The following RBPJ variants were observed in gnomAD, a reference collection of about 807,000 sequenced individuals.
RBPJ encodes the protein recombination signal binding protein for immunoglobulin kappa J region.
Under a neutral mutation model 67.8 loss-of-function variants are expected in RBPJ, and 9 were observed. The ratio of observed to expected loss-of-function variants is 0.13; its 90% confidence interval spans 0.08 to 0.23. RBPJ has a LOEUF of 0.23. Ranked by LOEUF, RBPJ falls within the 10% of genes least tolerant of loss-of-function variation. The probability of loss-of-function intolerance (pLI) is 1.00; values close to 1 mark genes in which losing one functional copy is unlikely to be tolerated. For synonymous variants in RBPJ, 198 were observed against 203.3 expected, an observed-to-expected ratio of 0.97 and a Z score of 0.22; for missense variants, 305 against 595.6, an observed-to-expected ratio of 0.51 and a Z score of 5.08.
chr4:26,173,720 G>A (rs999330120), intron 1 of RBPJ, among the ~76,000 whole-genome samples: 1 of 152,178 alleles, frequency 6.6e-6, no homozygotes, highest in Non-Finnish European at 1.5e-5. Flanking sequence ...TTGGGGAAAT[G>A]CGTGCTGAGT....
At chr4:26,351,397 T>C (rs1428358249) in intron 1 of RBPJ, among the ~76,000 whole-genome samples, 1 of 152,166 alleles carries the variant, frequency 6.6e-6, no homozygotes, top group Non-Finnish European at 1.5e-5. Context: ...GAATGCTTTG[T>C]TTATTTTTTG....
chr4:26,163,597 C>T (rs1716144779), exon 1 of RBPJ: 1 of 152,166 alleles, frequency 6.6e-6, no homozygotes, highest in African/African-American at 2.4e-5. Context: ...TTGGACTGCT[C>T]TATCCAGCAT....
chr4:26,323,785 A>G (rs1723336790), intron 1 of RBPJ, among the ~76,000 whole-genome samples: 1 of 152,234 alleles, frequency 6.6e-6, no homozygotes, highest in African/African-American at 2.4e-5. Flanking sequence ...GATGTAATTC[A>G]TTAAATAACC....
At chr4:26,370,292 G>T (rs1196386927) in intron 1 of RBPJ, among the ~76,000 whole-genome samples, 2 of 152,026 alleles carry the variant, frequency 1.3e-5, no homozygotes, top group African/African-American at 2.4e-5. Flanking sequence ...TAGAATTAAG[G>T]TTTTCTTTTC....
At chr4:26,254,763 T>A (rs2109241057) in intron 1 of RBPJ, among the ~76,000 whole-genome samples, 1 of 143,604 alleles carries the variant, frequency 7.0e-6, no homozygotes, top group South Asian at 2.2e-4. Context: ...CTGCAGCCTC[T>A]GCCTCCTGAG....
chr4:26,362,024 G>A lies in RBPJ; in HGVS notation c.21-24329G>A, dbSNP rs111935642. The stretch of plus-strand genomic sequence containing the variant: ...GAATTAACCGGATTCATTAATAACG[G>A]CATCAGGAAGAGCATTGTTTGAAGG... On this transcript the variant is annotated intron_variant, in intron 1 of 10. Coordinates refer to ENST00000355476, the MANE Select transcript of RBPJ (RefSeq NM_015874.6). Among the ~76,000 whole-genome samples, 12 of 152,256 alleles carry A rather than the reference G, an allele frequency of 7.9e-5. 1 individual carries two copies. The highest frequency in any genetic ancestry group is 2.6e-4 in the African/African-American group (11 of 41,540).
chr4:26,168,865 G>C (rs1221166530), intron 1 of RBPJ, among the ~76,000 whole-genome samples: 1 of 151,808 alleles, frequency 6.6e-6, no homozygotes, highest in South Asian at 2.1e-4. Flanking sequence ...GATCACATCG[G>C]CTCCTGAGGC....
chr4:26,174,051 G>A (rs182510719), intron 1 of RBPJ, among the ~76,000 whole-genome samples: 2 of 152,324 alleles, frequency 1.3e-5, no homozygotes, highest in East Asian at 1.9e-4. Flanking sequence ...CAGGAAGGAC[G>A]CACTTACCAT....
chr4:26,257,982 C>A (rs1045811387), intron 1 of RBPJ, among the ~76,000 whole-genome samples: 2 of 152,204 alleles, frequency 1.3e-5, no homozygotes, highest in African/African-American at 4.8e-5. Flanking sequence ...GGTATGAGAA[C>A]ATAATCTGTA....
chr4:26,410,550 A>C (rs1733917041), intron 3 of RBPJ, among the ~76,000 whole-genome samples: 1 of 152,244 alleles, frequency 6.6e-6, no homozygotes, highest in South Asian at 2.1e-4. Context: ...AACAATGAAC[A>C]GTAAAGTCAT....
chr4:26,113,251 G>C, the RBPJ span: 1 of 329,692 alleles, frequency 3.0e-6, no homozygotes, highest in South Asian at 3.7e-5. Context: ...AATGAAAATG[G>C]GAATAATTTC....
chr4:26,246,064 T>C (rs946592998), intron 1 of RBPJ, among the ~76,000 whole-genome samples: 1 of 152,232 alleles, frequency 6.6e-6, no homozygotes, highest in Non-Finnish European at 1.5e-5. Flanking sequence ...CATTCCCACA[T>C]GAACTTTAGG....
chr4:26,308,137 G>A (rs1338774934), intron 1 of RBPJ, among the ~76,000 whole-genome samples: 4 of 152,152 alleles, frequency 2.6e-5, no homozygotes, highest in African/African-American at 7.2e-5. Context: ...TTAGCCGGGC[G>A]TGGTGGCGGG....
the RBPJ span, among the ~76,000 whole-genome samples, chr4:26,105,944 G>A: frequency 6.6e-6 from 1 of 152,208 alleles, no homozygotes; most frequent in African/African-American, 2.4e-5. Flanking sequence ...CATGGAGTGC[G>A]ATTTATCTAC....
chr4:26,146,202 C>T, the RBPJ span, among the ~76,000 whole-genome samples: 2 of 152,188 alleles, frequency 1.3e-5, no homozygotes, highest in Admixed American at 6.5e-5. Flanking sequence ...CCACTTCGGC[C>T]TCCCAAAGTG....
At chr4:26,254,910 G>C (rs1160043360) in intron 1 of RBPJ, among the ~76,000 whole-genome samples, 1 of 118,266 alleles carries the variant, frequency 8.5e-6, no homozygotes, top group Non-Finnish European at 1.6e-5. Context: ...CTGGTGTCGA[G>C]ACCAAGCTGG....
At chr4:26,416,781 A>T (rs1241609500) in intron 4 of RBPJ, among the ~76,000 whole-genome samples, 1 of 152,024 alleles carries the variant, frequency 6.6e-6, no homozygotes, top group Admixed American at 6.6e-5. Context: ...GAGCTAGGGG[A>T]TTTGTACTCT....
At chr4:26,279,503 C>G (rs2109273185) in intron 1 of RBPJ, among the ~76,000 whole-genome samples, 1 of 152,284 alleles carries the variant, frequency 6.6e-6, no homozygotes, top group Non-Finnish European at 1.5e-5. Flanking sequence ...GTCTCAATCT[C>G]TTGACCTCGT....
intron 2 of RBPJ, among the ~76,000 whole-genome samples, chr4:26,403,092 AC>A (rs1392351880): frequency 6.6e-6 from 1 of 152,178 alleles, no homozygotes; most frequent in African/African-American, 2.4e-5. Context: ...AAAATTAATT[AC>A]GTATTTTTAA....
Sources: allele counts gnomAD v4.1 joint callset (sites outside exome capture counted in the v4.1 genomes callset), GRCh38; gene constraint gnomAD v4.1.1; transcripts MANE v1.5; gene names NCBI Gene and HGNC (gene_info 2026-07-23, HGNC 2026-07-21).